WFDC11: variants seen among roughly 807,000 people sequenced by gnomAD.
The protein encoded by WFDC11 is protein WFDC11.
A neutral mutation model predicts 9.9 loss-of-function variants in WFDC11; 9 were observed. That is an observed-to-expected ratio of 0.91 (90% CI 0.55 to 1.58). The LOEUF (loss-of-function observed/expected upper bound fraction) is 1.58. Among genes scored for constraint, WFDC11 ranks in the 40% most tolerant of loss-of-function variants. WFDC11 has a pLI of 0.00. For missense variants in WFDC11, 106 were observed against 101.7 expected, an observed-to-expected ratio of 1.04 and a Z score of -0.18; for synonymous variants, 32 against 33.3, an observed-to-expected ratio of 0.96 and a Z score of 0.13.
At chr20:45,657,703 C>T (rs1982967719) in intron 2 of WFDC11, among the ~76,000 whole-genome samples, 1 of 152,152 alleles carries the variant, frequency 6.6e-6, no homozygotes. Context: ...TTCCCCCTTC[C>T]ATCCATGCTT....
chr20:45,663,520 G>A (rs184613051), intron 2 of WFDC11, among the ~76,000 whole-genome samples: 1 of 152,184 alleles, frequency 6.6e-6, no homozygotes, highest in East Asian at 1.9e-4. Context: ...TGTGATGTTA[G>A]GGTGTTGATT....
At chr20:45,649,760 C>G (rs1037376265) in intron 3 of WFDC11, among the ~76,000 whole-genome samples, 1 of 152,156 alleles carries the variant, frequency 6.6e-6, no homozygotes, top group South Asian at 2.1e-4. Context: ...TCTCAGGGCC[C>G]GGCATATCTT....
At chr20:45,659,135 C>A (rs1982999125) in intron 2 of WFDC11, among the ~76,000 whole-genome samples, 1 of 152,186 alleles carries the variant, frequency 6.6e-6, no homozygotes, top group Non-Finnish European at 1.5e-5. Flanking sequence ...GGGTTGGTTC[C>A]AAGTCTTTGC....
intron 2 of WFDC11, among the ~76,000 whole-genome samples, chr20:45,658,202 T>G (rs1290735359): frequency 6.6e-6 from 1 of 151,830 alleles, no homozygotes; most frequent in Non-Finnish European, 1.5e-5. Flanking sequence ...CCTTTTTACT[T>G]ATTATTTGGT....
In WFDC11 at chr20:45,655,058, G is replaced by A. The variant is rs558766426; in HGVS notation, c.-51-4407C>T. 8.9e-4 allele frequency among the ~76,000 whole-genome samples: 136 copies of A among 152,262 alleles called. 1 individual carries two copies. Among genetic ancestry groups the A allele is most frequent in the Middle Eastern group, 3.4e-3 (1 of 294 alleles). Reference sequence around the variant, plus strand: ...AAGCATTCCAATCAATAGAAAAAGAGGGAATCCTCCCTAACCCATTTTATG... The same window carrying A: ...AAGCATTCCAATCAATAGAAAAAGAAGGAATCCTCCCTAACCCATTTTATG... On this transcript the variant is annotated intron_variant, in intron 2 of 4. Coordinates refer to ENST00000324384, the MANE Select transcript of WFDC11 (RefSeq NM_147197.2).
At chr20:45,657,149 C>T (rs1982951770) in intron 2 of WFDC11, among the ~76,000 whole-genome samples, 1 of 152,010 alleles carries the variant, frequency 6.6e-6, no homozygotes, top group South Asian at 2.1e-4. Context: ...TTTATTGAGG[C>T]ACTATTCACA....
At chr20:45,666,147 G>T (rs1424149392) in intron 2 of WFDC11, among the ~76,000 whole-genome samples, 2 of 152,102 alleles carry the variant, frequency 1.3e-5, no homozygotes, top group African/African-American at 4.8e-5. Context: ...CCCTCCCCCC[G>T]CCAGGCTGCC....
chr20:45,659,403 T>G (rs1361821662), intron 2 of WFDC11, among the ~76,000 whole-genome samples: 1 of 152,214 alleles, frequency 6.6e-6, no homozygotes, highest in Non-Finnish European at 1.5e-5. Context: ...TGATTGCCAT[T>G]CTAACTGGCG....
At chr20:45,668,519 A>ATT in intron 1 of WFDC11, among the ~76,000 whole-genome samples, 1 of 152,162 alleles carries the variant, frequency 6.6e-6, no homozygotes, top group East Asian at 1.9e-4. Flanking sequence ...TCAAGATGTC[A>ATT]TTTTTTGCTC....
rs753717373 is a variant in WFDC11, at chr20:45,650,489, C to T, written c.100+12G>A. 40 of 1,611,876 alleles carry T rather than the reference C, an allele frequency of 2.5e-5. No homozygotes were observed. The highest frequency in any genetic ancestry group is 3.3e-5 in the Non-Finnish European group (39 of 1,178,060). ...CCCCTCCTGTGGCCCCTAATCCAGC[C>T]TCACCACCTACTGTCATATCTTTTC... On this transcript the variant is annotated intron_variant, in intron 3 of 4. Coordinates refer to ENST00000324384, the MANE Select transcript of WFDC11 (RefSeq NM_147197.2).
chr20:45,659,841 T>C (rs1309824043), intron 2 of WFDC11, among the ~76,000 whole-genome samples: 1 of 152,154 alleles, frequency 6.6e-6, no homozygotes, highest in East Asian at 1.9e-4. Context: ...GTTTTTATGG[T>C]TTTAGGTCTT....
At chr20:45,660,965 A>G (rs1341117655) in intron 2 of WFDC11, among the ~76,000 whole-genome samples, 2 of 152,118 alleles carry the variant, frequency 1.3e-5, no homozygotes, top group African/African-American at 4.8e-5. Context: ...TGGTATTTCT[A>G]GTTCTAGATC....
At chr20:45,658,455 A>T (rs1340379943) in intron 2 of WFDC11, among the ~76,000 whole-genome samples, 5 of 152,056 alleles carry the variant, frequency 3.3e-5, no homozygotes, top group Non-Finnish European at 7.4e-5. Flanking sequence ...CCAGGAATTT[A>T]TCCATCTCTT....
At chr20:45,657,407 G>A (rs1982957734) in intron 2 of WFDC11, among the ~76,000 whole-genome samples, 1 of 134,058 alleles carries the variant, frequency 7.5e-6, no homozygotes, top group Admixed American at 8.2e-5. Context: ...CACAGGAAGG[G>A]GAACATCACA....
At chr20:45,669,083 A>T (rs1441500330) in intron 1 of WFDC11, among the ~76,000 whole-genome samples, 1 of 152,186 alleles carries the variant, frequency 6.6e-6, no homozygotes, top group Admixed American at 6.5e-5. Flanking sequence ...TTCAGATGGT[A>T]GGTCGGAGGA....
chr20:45,660,955 T>A (rs1445959341), intron 2 of WFDC11, among the ~76,000 whole-genome samples: 1 of 152,198 alleles, frequency 6.6e-6, no homozygotes, highest in Non-Finnish European at 1.5e-5. Flanking sequence ...CTGGGTCAAA[T>A]GGTATTTCTA....
chr20:45,655,370 C>A (rs1982905451), intron 2 of WFDC11, among the ~76,000 whole-genome samples: 1 of 152,110 alleles, frequency 6.6e-6, no homozygotes, highest in Non-Finnish European at 1.5e-5. Flanking sequence ...AGGCCTTTGA[C>A]AAAATTCAAC....
chr20:45,663,513 G>A (rs1296430614), intron 2 of WFDC11, among the ~76,000 whole-genome samples: 3 of 152,056 alleles, frequency 2.0e-5, no homozygotes, highest in Non-Finnish European at 4.4e-5. Flanking sequence ...CTTTAATTGT[G>A]ATGTTAGGGT....
rs1319260777 is a variant in WFDC11 at position 45,649,359 on chromosome 20, A to C, written c.141T>G (p.Asn47Lys). Residue 47 changes from asparagine to lysine, a missense_variant, in exon 4 of 5, where the codon AAT (asparagine) becomes AAG (lysine). Asn to Lys is a moderately conservative substitution (Grantham distance 94). Transcript: ENST00000324384. ...AACACTTATTGGTACATTCTTTGAC[A>C]TTTGGCTTTCCCCAGCATTCTTCAA... Reference protein sequence around the residue: ...LLLEECWGKPNVKECTNKCSK... With the variant: ...LLLEECWGKPKVKECTNKCSK... The C allele has an allele frequency of 3.7e-6, 6 of 1,614,134 alleles. No homozygotes were observed. The highest frequency in any genetic ancestry group is 5.1e-6 in the Non-Finnish European group (6 of 1,180,016).
Sources: gnomAD v4.1 joint callset for allele counts (sites outside exome capture counted in the v4.1 genomes callset) on GRCh38, gnomAD v4.1.1 for gene constraint, MANE v1.5 for transcripts, NCBI Gene and HGNC (gene_info 2026-07-23, HGNC 2026-07-21) for gene names.